AACS: variants seen among roughly 807,000 people sequenced by gnomAD.
AACS encodes the protein acetoacetate-CoA ligase.
A neutral mutation model predicts 83.1 loss-of-function variants in AACS; 69 were observed. The ratio of observed to expected loss-of-function variants is 0.83; its 90% CI spans 0.68 to 1.01. The LOEUF is 1.01. AACS is among the 50% of genes least tolerant of loss of function. The pLI is 0.00. For missense variants in AACS, 866 were observed against 882.2 expected (o/e 0.98, Z 0.23); for synonymous variants, 333 against 343.4 (o/e 0.97, Z 0.33).
Position 125,065,546 on chromosome 12 carries a change from C to A in AACS, c.-39C>A. On this transcript the variant is annotated 5_prime_UTR_variant, in exon 1 of 18. Coordinates refer to ENST00000316519, the MANE Select transcript of AACS (RefSeq NM_023928.5). ...CCTCGCCTCAGCCCCGGCCCCTGGT[C>A]CCCAGCCCTCGTCGCAGCCCCGGCC... 1 of 1,485,562 alleles carries A rather than the reference C, an allele frequency of 6.7e-7. No homozygotes were observed. 92.0% of individuals were successfully genotyped at this position (1,485,562 alleles called of 1,614,324 possible). A position where few individuals can be genotyped will look rare whatever the true frequency, so the allele number is the denominator to read the frequency against.
chr12:125,133,798 G>C (rs536277803), intron 14 of AACS, among the ~76,000 whole-genome samples: 2 of 152,224 alleles, frequency 1.3e-5, no homozygotes, highest in Non-Finnish European at 2.9e-5. Flanking sequence ...CTCGCCGGCG[G>C]TGTCAGAGCT....
At chr12:125,133,882 C>T in intron 14 of AACS, 121 bp from the exon 15 acceptor site, 1 of 958,598 alleles carries the variant, frequency 1.0e-6, no homozygotes, top group Non-Finnish European at 1.6e-6. Flanking sequence ...GCCCCCAGCC[C>T]CATGCCAGAC....
chr12:125,106,049 A>T (rs1010838654), intron 7 of AACS, among the ~76,000 whole-genome samples: 2 of 152,300 alleles, frequency 1.3e-5, no homozygotes, highest in African/African-American at 4.8e-5. Context: ...TCCCCAGGAG[A>T]AACCTTTATA....
intron 8 of AACS, among the ~76,000 whole-genome samples, chr12:125,108,078 A>G (rs960037625): frequency 6.6e-6 from 1 of 152,238 alleles, no homozygotes; most frequent in Non-Finnish European, 1.5e-5. Context: ...GGGGCGTTGT[A>G]AAACTTATGT....
Position 125,103,063 on chromosome 12 carries a change from T to C in AACS, c.749T>C (p.Leu250Pro). Residue 250 changes from leucine (L) to proline (P), a missense_variant, in exon 7 of 18, where the codon CTT becomes CCT. Physicochemically the swap from Leu to Pro is moderately conservative, Grantham distance 98. Coordinates refer to ENST00000316519, the MANE Select transcript of AACS (RefSeq NM_023928.5). ...GTGTCCTCCAGAGAGAACATAGACC[T>C]TTCAAAGATTCCAAACAGGTAATGT... ...PYVSSRENID[L>P]SKIPNSVFLD... is the part of the protein sequence containing the mutation. 6.2e-7 allele frequency: 1 copy of C among 1,613,964 alleles called. No homozygotes were observed. Among genetic ancestry groups the C allele is most frequent in the Non-Finnish European group, 8.5e-7 (1 of 1,179,986 alleles).
At chr12:125,098,492 C>T (rs367622319) in intron 5 of AACS, among the ~76,000 whole-genome samples, 3 of 151,118 alleles carry the variant, frequency 2.0e-5, no homozygotes, top group Admixed American at 1.3e-4. Context: ...CAGTCTGTCA[C>T]CCAGGCTGGA....
Position 125,118,624 on chromosome 12 carries a change from C to T in AACS, c.997-17C>T, listed in dbSNP as rs764112219. ...TGCCTAGCGCCCGCTGAAGCCGCAT[C>T]CCTCCTGTCTTTGCAGGTCGGCTGG... On this transcript the variant is annotated splice_polypyrimidine_tract_variant and intron_variant, in intron 9 of 17. Transcript: ENST00000316519. 1 of 1,613,712 alleles carries T rather than the reference C, an allele frequency of 6.2e-7. No homozygotes were observed. Among genetic ancestry groups the T allele is most frequent in the Non-Finnish European group, 8.5e-7 (1 of 1,179,774 alleles).
chr12:125,138,057 G>T (rs538393213), intron 17 of AACS, among the ~76,000 whole-genome samples: 1 of 152,232 alleles, frequency 6.6e-6, no homozygotes, highest in Non-Finnish European at 1.5e-5. Flanking sequence ...GTCCAGGAGT[G>T]GGGGCTGGGG....
chr12:125,082,342 AT>A (rs746125500), intron 3 of AACS, among the ~76,000 whole-genome samples: 1,845 of 131,388 alleles, frequency 0.014, 25 homozygotes, highest in African/African-American at 0.038. Context: ...TGGCTATTTC[AT>A]TTTTTTTTTT....
At chr12:125,136,557 T>C in intron 16 of AACS, 105 bp from the exon 17 acceptor site, 2 of 896,650 alleles carry the variant, frequency 2.2e-6, no homozygotes, top group Non-Finnish European at 3.5e-6. Context: ...GCTGGAAGGC[T>C]TGGGGGACCC....
chr12:125,079,304 G>A (rs1956107470), intron 3 of AACS, among the ~76,000 whole-genome samples: 1 of 152,210 alleles, frequency 6.6e-6, no homozygotes, highest in Admixed American at 6.5e-5. Flanking sequence ...GTGGTGACCT[G>A]GCTGCTGGGT....
At chr12:125,118,087 C>A (rs994823511) in intron 9 of AACS, 2 of 152,706 alleles carry the variant, frequency 1.3e-5, no homozygotes, top group Admixed American at 1.3e-4. Flanking sequence ...TGTGGGTGGG[C>A]CCTCCAGGGG....
chr12:125,085,594 G>T (rs976375357), intron 3 of AACS, among the ~76,000 whole-genome samples: 1 of 152,164 alleles, frequency 6.6e-6, no homozygotes, highest in Non-Finnish European at 1.5e-5. Flanking sequence ...CGTCTGTTTC[G>T]TGGAACTACA....
intron 17 of AACS, 117 bp downstream of exon 17, chr12:125,136,981 GC>G: frequency 6.0e-6 from 6 of 995,406 alleles, no homozygotes; most frequent in Middle Eastern, 2.6e-4. Flanking sequence ...TGTCCACGTT[GC>G]CTAGCAACGC....
intron 4 of AACS, among the ~76,000 whole-genome samples, chr12:125,090,208 T>TCATCC (rs1565932091): frequency 3.7e-5 from 1 of 26,734 alleles, no homozygotes; most frequent in African/African-American, 1.8e-4. Context: ...ATTTACCCAT[T>TCATCC]ATCCATCTAT....
rs1323540920 is a variant in AACS at position 125,097,801 on chromosome 12, A to T, written c.571-4878A>T. On this transcript the variant is annotated intron_variant, in intron 5 of 17. Coordinates refer to ENST00000316519, the MANE Select transcript of AACS (RefSeq NM_023928.5). The surrounding 1 kb of genome is among the most constrained non-coding windows in gnomAD (Gnocchi z 4.3). Reference sequence around the variant, plus strand: ...CATCTCAGTAACCCCCGCCACTACAACCCTGCCAAACCAGGAGCTCGGGCT... The same window carrying T: ...CATCTCAGTAACCCCCGCCACTACATCCCTGCCAAACCAGGAGCTCGGGCT... Among the ~76,000 whole-genome samples the T allele has an allele frequency of 6.6e-6, 1 of 151,900 alleles. No individual in the cohort carries two copies. The highest frequency in any genetic ancestry group is 1.5e-5 in the Non-Finnish European group (1 of 67,962).
chr12:125,113,960 C>T lies in AACS; in HGVS notation c.916-517C>T, dbSNP rs976569630. On this transcript the variant is annotated intron_variant, in intron 8 of 17. Coordinates refer to ENST00000316519, the MANE Select transcript of AACS (RefSeq NM_023928.5). This position sits in a 1 kb window ranked among gnomAD's most constrained non-coding sequence, Gnocchi z 4.8. ...GAAGCAGGGTCTTGTGCTGTCCCCT[C>T]AGCTGAGGCATTCCTGAAATCCGAT... Among the ~76,000 whole-genome samples, 10 of 152,092 alleles carry T rather than the reference C, an allele frequency of 6.6e-5. No homozygotes were observed. Among genetic ancestry groups the T allele is most frequent in the African/African-American group, 1.9e-4 (8 of 41,400 alleles).
chr12:125,135,200 C>T (rs187838892), intron 16 of AACS, among the ~76,000 whole-genome samples: 66 of 151,496 alleles, frequency 4.4e-4, no homozygotes, highest in Admixed American at 2.6e-3. Context: ...GATCTTGGCT[C>T]ACTGCAACCT....
At position 125,118,780 on chromosome 12, in the gene AACS, G is replaced by T; in HGVS notation, c.1121+15G>T. ...GACAGGATAGGGTAGGTACCAAGAT[G>T]CTGTGCTCAAAGCAAGGGACAGGCA... On this transcript the variant is annotated intron_variant, in intron 10 of 17. Transcript: ENST00000316519. 6.2e-7 allele frequency: 1 copy of T among 1,613,580 alleles called. No homozygotes were observed. Among genetic ancestry groups the T allele is most frequent in the Non-Finnish European group, 8.5e-7 (1 of 1,179,726 alleles).
Sources: allele counts gnomAD v4.1 joint callset (sites outside exome capture counted in the v4.1 genomes callset), GRCh38; gene constraint gnomAD v4.1.1; non-coding constraint Gnocchi (gnomAD v3.1); transcripts MANE v1.5; gene names NCBI Gene and HGNC (gene_info 2026-07-23, HGNC 2026-07-21).